The following ZBBX variants were observed in gnomAD, a reference collection of about 807,000 sequenced individuals.
The protein encoded by ZBBX is zinc finger B-box domain-containing protein 1.
Under a neutral mutation model 108.5 loss-of-function variants are expected in ZBBX, and 101 were observed. That is an observed-to-expected ratio of 0.93 (90% CI 0.79 to 1.10). The LOEUF (loss-of-function observed/expected upper bound fraction) is 1.10. Ranked by LOEUF, ZBBX falls within the 50% of genes least tolerant of loss-of-function variation. The probability of loss-of-function intolerance (pLI) is 0.00; values close to 1 mark genes in which losing one functional copy is unlikely to be tolerated. For missense variants in ZBBX, 1,009 were observed against 941.4 expected (o/e 1.07, Z -0.94); for synonymous variants, 356 against 323.4 (o/e 1.10, Z -1.08).
Position 167,368,514 on chromosome 3 carries a change from C to T in ZBBX, c.129G>A (p.Glu43=). The T allele has an allele frequency of 6.2e-7, 1 of 1,612,382 alleles. No homozygotes were observed. Among genetic ancestry groups the T allele is most frequent in the Non-Finnish European group, 8.5e-7 (1 of 1,178,952 alleles). The stretch of plus-strand genomic sequence containing the variant: ...TGGATCGGAATTCTTGCAGTTTCTT[C>T]TCCATCTCTTGGTTCTCAAACTCTA... ...VQLEFENQEM[E]KKLQEFRSTR... is the part of the protein sequence containing the mutation. Residue 43 remains glutamate, a synonymous_variant, in exon 5 of 22, where the codon GAG becomes GAA. Coordinates refer to ENST00000675490, the MANE Select transcript of ZBBX (RefSeq NM_001199201.2).
upstream of ZBBX, among the ~76,000 whole-genome samples, chr3:167,384,260 T>C (rs1747837246): frequency 6.6e-6 from 1 of 152,044 alleles, no homozygotes; most frequent in South Asian, 2.1e-4. Flanking sequence ...AAGTCTTGAA[T>C]AAATCAAGGC....
intron 19 of ZBBX, among the ~76,000 whole-genome samples, chr3:167,284,930 A>T (rs1452186054): frequency 6.6e-6 from 1 of 152,164 alleles, no homozygotes; most frequent in Non-Finnish European, 1.5e-5. Flanking sequence ...GGCACTAGTT[A>T]AAAATGCCAT....
intron 20 of ZBBX, among the ~76,000 whole-genome samples, chr3:167,254,494 C>T (rs1176028526): frequency 6.6e-6 from 1 of 152,022 alleles, no homozygotes; most frequent in Non-Finnish European, 1.5e-5. Flanking sequence ...ATAAAGAGTA[C>T]ACTATAACTA....
chr3:167,266,265 C>A (rs1481436786), intron 20 of ZBBX, among the ~76,000 whole-genome samples: 2 of 152,120 alleles, frequency 1.3e-5, no homozygotes, highest in East Asian at 3.9e-4. Context: ...CAATATTCTA[C>A]TTTTTTTGGT....
At chr3:167,221,616 T>C in the ZBBX span, among the ~76,000 whole-genome samples, 1 of 151,942 alleles carries the variant, frequency 6.6e-6, no homozygotes, top group Non-Finnish European at 1.5e-5. Context: ...GGCAAAGATT[T>C]CTTGAGTAAC....
chr3:167,263,493 T>C (rs556298878), intron 20 of ZBBX, among the ~76,000 whole-genome samples: 2 of 152,332 alleles, frequency 1.3e-5, no homozygotes, highest in East Asian at 3.9e-4. Context: ...CACTGGTCAT[T>C]TGGGAGCATA....
At chr3:167,347,047 A>G (rs1383813132) in intron 9 of ZBBX, among the ~76,000 whole-genome samples, 2 of 151,854 alleles carry the variant, frequency 1.3e-5, no homozygotes, top group Non-Finnish European at 2.9e-5. Flanking sequence ...TATATCAGCT[A>G]TTTGAGGCCT....
chr3:167,341,301 A>G (rs1029234389), intron 9 of ZBBX, among the ~76,000 whole-genome samples: 2 of 151,912 alleles, frequency 1.3e-5, no homozygotes, highest in African/African-American at 4.8e-5. Flanking sequence ...GACTCAATAT[A>G]TAGTACTTTA....
the ZBBX span, among the ~76,000 whole-genome samples, chr3:167,188,367 G>T: frequency 6.6e-6 from 1 of 151,670 alleles, no homozygotes; most frequent in Non-Finnish European, 1.5e-5. Context: ...ATGACACTTA[G>T]ACAGATTGTG....
At chr3:167,353,596 C>G (rs1306985065) in intron 8 of ZBBX, among the ~76,000 whole-genome samples, 1 of 151,980 alleles carries the variant, frequency 6.6e-6, no homozygotes, top group Non-Finnish European at 1.5e-5. Flanking sequence ...CAGACTTCAT[C>G]ACTACACAAT....
At chr3:167,194,833 G>C in the ZBBX span, among the ~76,000 whole-genome samples, 1 of 152,150 alleles carries the variant, frequency 6.6e-6, no homozygotes, top group African/African-American at 2.4e-5. Context: ...GGTTCACCAA[G>C]AAGCTAATGA....
At chr3:167,332,945 G>A (rs911660206) in intron 10 of ZBBX, among the ~76,000 whole-genome samples, 2 of 152,092 alleles carry the variant, frequency 1.3e-5, no homozygotes, top group Non-Finnish European at 2.9e-5. Context: ...TTAGGGCAGT[G>A]TCTGGTCTTC....
intron 20 of ZBBX, among the ~76,000 whole-genome samples, chr3:167,281,634 A>G (rs906414897): frequency 2.6e-5 from 4 of 152,214 alleles, no homozygotes; most frequent in Non-Finnish European, 5.9e-5. Flanking sequence ...GTTCAAGAAT[A>G]TGGTCACTAT....
intron 9 of ZBBX, among the ~76,000 whole-genome samples, chr3:167,343,673 A>G (rs1342963274): frequency 6.6e-6 from 1 of 151,938 alleles, no homozygotes; most frequent in Non-Finnish European, 1.5e-5. Flanking sequence ...ACGATGTGCT[A>G]CTGCTTCATA....
rs549521783 is a variant in ZBBX, at chr3:167,365,891, C to T, written c.268G>A (p.Val90Ile). Residue 90 changes from valine (V) to isoleucine (I), a missense_variant, in exon 6 of 22, where the codon GTT becomes ATT. Transcript: ENST00000675490. ...ATCAAATAGTATCTTCTTACCTTAA[C>T]AACATTTCCTTTATTTTGTGACATC... ...YMMSQNKGNV[V>I]KFSAGKVKLK... is the part of the protein sequence containing the mutation. 6.2e-7 allele frequency: 1 copy of T among 1,603,760 alleles called. No homozygotes were observed. Among genetic ancestry groups the T allele is most frequent in the African/African-American group, 1.3e-5 (1 of 74,600 alleles).
the ZBBX span, among the ~76,000 whole-genome samples, chr3:167,182,972 G>C: frequency 2.0e-5 from 3 of 152,126 alleles, no homozygotes; most frequent in Admixed American, 6.5e-5. Flanking sequence ...ATTCCTGCCC[G>C]AATAGAATTG....
chr3:167,260,433 C>T (rs1172180275), intron 20 of ZBBX, among the ~76,000 whole-genome samples: 2 of 152,156 alleles, frequency 1.3e-5, no homozygotes, highest in African/African-American at 4.8e-5. Flanking sequence ...ATTTTTCAAG[C>T]TCTTAGAATT....
chr3:167,187,812 C>A, the ZBBX span, among the ~76,000 whole-genome samples: 1 of 152,120 alleles, frequency 6.6e-6, no homozygotes, highest in Non-Finnish European at 1.5e-5. Flanking sequence ...ACACTGCCCA[C>A]CTTTTCATTA....
intron 4 of ZBBX, among the ~76,000 whole-genome samples, chr3:167,371,406 C>T (rs1746136460): frequency 6.6e-6 from 1 of 152,210 alleles, no homozygotes; most frequent in African/African-American, 2.4e-5. Context: ...GGTACCTCCT[C>T]ACTCCTGCTC....
Sources: allele counts gnomAD v4.1 joint callset (sites outside exome capture counted in the v4.1 genomes callset), GRCh38; gene constraint gnomAD v4.1.1; transcripts MANE v1.5; gene names NCBI Gene and HGNC (gene_info 2026-07-23, HGNC 2026-07-21).